The following MORC1 variants were observed in gnomAD, a reference collection of about 807,000 sequenced individuals.
The protein encoded by MORC1 is MORC family CW-type zinc finger protein 1.
A neutral mutation model predicts 134.9 loss-of-function variants in MORC1; 59 were observed. The observed-to-expected ratio is 0.44, with a 90% CI of 0.35 to 0.54. The LOEUF (loss-of-function observed/expected upper bound fraction) is 0.54. Among genes scored for constraint, MORC1 ranks in the 20% least tolerant of loss-of-function variants. The pLI is 0.00. For synonymous variants in MORC1, 395 were observed against 391.7 expected (o/e 1.01, Z -0.10); for missense variants, 947 against 1,134.5 (o/e 0.83, Z 2.37).
intron 8 of MORC1, among the ~76,000 whole-genome samples, chr3:109,086,783 A>G (rs1950623261): frequency 6.6e-6 from 1 of 152,066 alleles, no homozygotes; most frequent in Non-Finnish European, 1.5e-5. Context: ...TCAAATTTCT[A>G]ATTTTTCAGA....
intron 10 of MORC1, among the ~76,000 whole-genome samples, chr3:109,062,751 A>C (rs1420660446): frequency 1.3e-5 from 2 of 151,986 alleles, no homozygotes; most frequent in Non-Finnish European, 2.9e-5. Flanking sequence ...AGGGTTTCTT[A>C]GTTTATTTTA....
In MORC1 at chr3:109,058,819, T is replaced by G. The variant is rs545513170; in HGVS notation, c.1031+987A>C. ...AATATTAAAGGATATACTGATATTCTTCTATTAAAAAAAACCCAGCATTTT... is the reference window on the plus strand; with the variant it reads ...AATATTAAAGGATATACTGATATTCGTCTATTAAAAAAAACCCAGCATTTT... On this transcript the variant is annotated intron_variant, in intron 12 of 27. Coordinates refer to ENST00000232603, the MANE Select transcript of MORC1 (RefSeq NM_014429.4). Among the ~76,000 whole-genome samples the G allele has an allele frequency of 1.5e-3, 43 of 27,994 alleles. 1 individual carries two copies. The East Asian group carries it at 0.14, about 90-fold the overall frequency. 18.4% of individuals were successfully genotyped at this position (27,994 alleles called of 152,430 possible).
At chr3:109,066,447 G>A (rs1010475317) in intron 9 of MORC1, among the ~76,000 whole-genome samples, 2 of 151,958 alleles carry the variant, frequency 1.3e-5, no homozygotes, top group African/African-American at 4.8e-5. Flanking sequence ...CACCACGCCT[G>A]GCTATGTTTT....
chr3:109,022,487 TGAA>T (rs1280183636), intron 17 of MORC1, among the ~76,000 whole-genome samples: 1 of 152,218 alleles, frequency 6.6e-6, no homozygotes, highest in Non-Finnish European at 1.5e-5. Context: ...ACATGAGCAC[TGAA>T]GAAGAACAGA....
chr3:109,082,039 C>T (rs568167675), intron 8 of MORC1, among the ~76,000 whole-genome samples: 1 of 152,130 alleles, frequency 6.6e-6, no homozygotes, highest in East Asian at 1.9e-4. Context: ...ATCAAGTGGC[C>T]GTTCAGCAGC....
chr3:108,982,938 G>GT (rs59003713), intron 23 of MORC1, among the ~76,000 whole-genome samples: 1 of 144,918 alleles, frequency 6.9e-6, no homozygotes, highest in Admixed American at 6.9e-5. Flanking sequence ...ACTAGTTTTG[G>GT]TTTTTTTTTA....
chr3:109,082,970 C>T (rs1289348941), intron 8 of MORC1, among the ~76,000 whole-genome samples: 1 of 152,074 alleles, frequency 6.6e-6, no homozygotes, highest in East Asian at 1.9e-4. Context: ...AAGACTACCC[C>T]AATGCATATA....
At chr3:109,095,148 T>C in intron 6 of MORC1, 80 bp from the exon 7 acceptor site, 1 of 1,317,176 alleles carries the variant, frequency 7.6e-7, no homozygotes, top group Admixed American at 2.7e-5. Flanking sequence ...TTCATTCCAC[T>C]CTTCATCTAG....
At chr3:109,028,843 T>C (rs912757058) in intron 16 of MORC1, among the ~76,000 whole-genome samples, 2 of 152,144 alleles carry the variant, frequency 1.3e-5, no homozygotes, top group African/African-American at 4.8e-5. Flanking sequence ...GAACACGCAG[T>C]AGTGTCGTAA....
In MORC1 at chr3:108,979,653, G is replaced by A. The variant is rs150847203; in HGVS notation, c.2339C>T (p.Pro780Leu). ...LPSWKSLLNV[P>L]MEDVNLSSGH... Reference sequence around the variant, plus strand: ...AGAACTTAGATTCACATCTTCCATCGGCACATTGAGCAAGCTGAGGTTTGT... The same window carrying A: ...AGAACTTAGATTCACATCTTCCATCAGCACATTGAGCAAGCTGAGGTTTGT... The change falls in exon 24 of 28, where the codon CCG becomes CTG. Residue 780 changes from proline (P) to leucine (L), a missense_variant. Transcript: ENST00000232603. The A allele has an allele frequency of 1.5e-4, 244 of 1,613,454 alleles. No individual in the cohort carries two copies. Among genetic ancestry groups the A allele is most frequent in the South Asian group, 1.9e-4 (17 of 90,880 alleles).
At chr3:109,082,736 A>T (rs988214202) in intron 8 of MORC1, among the ~76,000 whole-genome samples, 5 of 152,166 alleles carry the variant, frequency 3.3e-5, no homozygotes, top group African/African-American at 1.2e-4. Context: ...ACAGAGGAGC[A>T]AAAAGTAAAA....
intron 26 of MORC1, among the ~76,000 whole-genome samples, chr3:108,967,933 G>C (rs1409522387): frequency 3.9e-5 from 6 of 152,202 alleles, no homozygotes; most frequent in Non-Finnish European, 8.8e-5. Context: ...TTCTGAATCT[G>C]ATCATGACAC....
At chr3:109,072,705 G>A (rs766203021) in intron 8 of MORC1, among the ~76,000 whole-genome samples, 4 of 152,104 alleles carry the variant, frequency 2.6e-5, no homozygotes, top group Non-Finnish European at 4.4e-5. Context: ...TAAATCGTCA[G>A]GATATCTTCA....
intron 8 of MORC1, among the ~76,000 whole-genome samples, chr3:109,083,411 T>C (rs1055131053): frequency 1.3e-5 from 2 of 152,052 alleles, no homozygotes; most frequent in African/African-American, 4.8e-5. Flanking sequence ...CTACTCATTA[T>C]GCTAGTATGA....
intron 14 of MORC1, among the ~76,000 whole-genome samples, chr3:109,041,052 CTGTAA>C (rs1245813896): frequency 1.3e-5 from 2 of 151,990 alleles, no homozygotes; most frequent in Non-Finnish European, 2.9e-5. Flanking sequence ...TGGCTCACGC[CTGTAA>C]TCCCAGCACT....
At chr3:109,061,924 G>C (rs944464686) in intron 11 of MORC1, 64 bp downstream of exon 11, 4 of 1,398,466 alleles carry the variant, frequency 2.9e-6, no homozygotes, top group Middle Eastern at 1.8e-4. Context: ...AGACAACTAT[G>C]CACAGGAAAA....
intron 14 of MORC1, among the ~76,000 whole-genome samples, chr3:109,040,465 A>AAAGGAAGG: frequency 6.7e-6 from 1 of 149,364 alleles, no homozygotes; most frequent in African/African-American, 2.5e-5. Context: ...AGAAAGAAAG[A>AAAGGAAGG]AAGAAAGAAA....
At chr3:109,056,092 G>A (rs1006968084) in intron 13 of MORC1, among the ~76,000 whole-genome samples, 12 of 152,192 alleles carry the variant, frequency 7.9e-5, no homozygotes, top group Non-Finnish European at 1.3e-4. Flanking sequence ...AACAGGAAAT[G>A]CAGAGAGGGT....
intron 21 of MORC1, 129 bp downstream of exon 21, chr3:109,000,428 C>A (rs965008183): frequency 1.1e-4 from 75 of 666,372 alleles, no homozygotes; most frequent in Admixed American, 2.0e-4. Flanking sequence ...TTTTCTGAGT[C>A]TTATTTCTTC....
Sources: allele counts gnomAD v4.1 joint callset (sites outside exome capture counted in the v4.1 genomes callset), GRCh38; gene constraint gnomAD v4.1.1; transcripts MANE v1.5; gene names NCBI Gene and HGNC (gene_info 2026-07-23, HGNC 2026-07-21).